The following NLRP1 variants were observed in gnomAD, a reference collection of about 807,000 sequenced individuals.
NLRP1 encodes NACHT, LRR and PYD domains-containing protein 1.
A neutral mutation model predicts 136.7 loss-of-function variants in NLRP1; 94 were observed. The observed-to-expected ratio is 0.69, with a 90% CI of 0.58 to 0.82. NLRP1 has a LOEUF of 0.82. Among genes scored for constraint, NLRP1 ranks in the 40% least tolerant of loss-of-function variants. NLRP1 has a pLI of 0.00. For missense variants in NLRP1, 1,575 were observed against 1,802.7 expected, an observed-to-expected ratio of 0.87 and a Z score of 2.29; for synonymous variants, 690 against 725.1, an observed-to-expected ratio of 0.95 and a Z score of 0.78.
In NLRP1 at chr17:5,547,620, G is replaced by A. The variant is rs115019185; in HGVS notation, c.2529-5593C>T. Among the ~76,000 whole-genome samples, 636 of 152,312 alleles carry A rather than the reference G, an allele frequency of 4.2e-3. 6 individuals carry two copies. The highest frequency in any genetic ancestry group is 0.014 in the African/African-American group (588 of 41,574). ...GTGAAATTTTATGCCAATGTAAAAA[G>A]AGTACATTGAAGATTGGTGTCTTCC... On this transcript the variant is annotated intron_variant, in intron 5 of 16. Coordinates refer to ENST00000572272, the MANE Select transcript of NLRP1 (RefSeq NM_033004.4).
At chr17:5,528,913 A>T (rs1040475924) in intron 12 of NLRP1, among the ~76,000 whole-genome samples, 9 of 152,240 alleles carry the variant, frequency 5.9e-5, no homozygotes, top group Non-Finnish European at 1.0e-4. Context: ...AGTGCTTATA[A>T]CTGATGTAAG....
intron 5 of NLRP1, among the ~76,000 whole-genome samples, chr17:5,545,417 CACAG>C (rs1449352790): frequency 4.7e-5 from 7 of 150,182 alleles, no homozygotes; most frequent in Admixed American, 4.6e-4. Context: ...CACACACATA[CACAG>C]ACATACACAG....
chr17:5,515,408 C>A (rs1175180273), intron 16 of NLRP1, 65 bp downstream of exon 16: 3 of 1,351,186 alleles, frequency 2.2e-6, no homozygotes, highest in South Asian at 1.2e-5. Context: ...CTTCCCTTCC[C>A]CCAGAACCAG....
At chr17:5,575,082 T>C (rs575584447) in intron 3 of NLRP1, among the ~76,000 whole-genome samples, 45 of 152,232 alleles carry the variant, frequency 3.0e-4, no homozygotes, top group African/African-American at 1.0e-3. Flanking sequence ...CTGAGAGATT[T>C]TGTCACCACC....
chr17:5,527,200 T>C (rs1909664721), intron 12 of NLRP1, among the ~76,000 whole-genome samples: 1 of 152,216 alleles, frequency 6.6e-6, no homozygotes, highest in Non-Finnish European at 1.5e-5. Flanking sequence ...AGAAGAAGAA[T>C]TGTCTTGGGC....
chr17:5,537,451 G>C lies in NLRP1; in HGVS notation c.2871-511C>G, dbSNP rs574955489. Among the ~76,000 whole-genome samples the C allele has an allele frequency of 6.6e-6, 1 of 152,284 alleles. No homozygotes were observed. The highest frequency in any genetic ancestry group is 2.1e-4 in the South Asian group (1 of 4,820). On this transcript the variant is annotated intron_variant, in intron 7 of 16. Transcript: ENST00000572272. This position sits in a 1 kb window ranked among gnomAD's most constrained non-coding sequence, Gnocchi z 4.5. ...GTGGTCGGAAGTTTTGCTGGGAAGA[G>C]AGAGTCCTGGTTCCATCCTCCCAGG...
chr17:5,563,779 G>A (rs1052489003), intron 3 of NLRP1, among the ~76,000 whole-genome samples: 4 of 152,194 alleles, frequency 2.6e-5, no homozygotes, highest in Admixed American at 6.5e-5. Context: ...AAGAATCCTT[G>A]TGAGATACTA....
intron 12 of NLRP1, among the ~76,000 whole-genome samples, chr17:5,526,057 C>T (rs1345389592): frequency 6.6e-6 from 1 of 151,992 alleles, no homozygotes; most frequent in Non-Finnish European, 1.5e-5. Context: ...TCACTGTAGC[C>T]TTGACCTTCC....
chr17:5,524,603 G>A (rs34171685), intron 12 of NLRP1, among the ~76,000 whole-genome samples: 8,950 of 152,262 alleles, frequency 0.059, 314 homozygotes, highest in Middle Eastern at 0.099. Flanking sequence ...TGCCATCACT[G>A]GCACTAAATG....
In NLRP1 at chr17:5,559,776, T is replaced by C; in HGVS notation, c.920A>G (p.Asn307Ser). Residue 307 changes from asparagine (N) to serine (S), a missense_variant, in exon 4 of 17, where the codon AAT becomes AGT. By Grantham distance (46) the Asn-to-Ser change is conservative. Transcript: ENST00000572272. ...TCTGATCTCAATTAAATGTCCTCGA[T>C]TCTCCTCCACATAATCAGGCCAGCT... is the stretch of plus-strand genomic sequence containing the variant. ...KRSWPDYVEE[N>S]RGHLIEIRDL... 6.2e-7 allele frequency: 1 copy of C among 1,614,282 alleles called. No homozygotes were observed. Among genetic ancestry groups the C allele is most frequent in the Non-Finnish European group, 8.5e-7 (1 of 1,180,056 alleles).
chr17:5,523,593 C>A (rs113695850), intron 12 of NLRP1, among the ~76,000 whole-genome samples: 1 of 152,152 alleles, frequency 6.6e-6, no homozygotes, highest in East Asian at 1.9e-4. Flanking sequence ...CTCTGACCAG[C>A]GCCAGGCAAG....
At chr17:5,570,847 C>G (rs115378301) in intron 3 of NLRP1, among the ~76,000 whole-genome samples, 2,700 of 152,102 alleles carry the variant, frequency 0.018, 72 homozygotes, top group African/African-American at 0.062. Context: ...ATGAACATAG[C>G]TGCAAAAATC....
At chr17:5,527,613 C>T (rs969929649) in intron 12 of NLRP1, among the ~76,000 whole-genome samples, 7 of 152,262 alleles carry the variant, frequency 4.6e-5, no homozygotes, top group South Asian at 2.1e-4. Flanking sequence ...CCTAATTTCC[C>T]GGTTCATTAT....
chr17:5,575,282 T>C lies in NLRP1; in HGVS notation c.652+6577A>G, dbSNP rs139553162. Among the ~76,000 whole-genome samples, 433 of 152,206 alleles carry C rather than the reference T, an allele frequency of 2.8e-3. 3 individuals carry two copies. Among genetic ancestry groups the C allele is most frequent in the East Asian group, 0.018 (93 of 5,180 alleles). On this transcript the variant is annotated intron_variant, in intron 3 of 16. Coordinates refer to ENST00000572272, the MANE Select transcript of NLRP1 (RefSeq NM_033004.4). The stretch of plus-strand genomic sequence containing the variant: ...AAATTCACACATAACAATATTAACC[T>C]TAAATGTAAATGGGCTAAATGCTCC...
chr17:5,514,719 C>T lies in NLRP1; in HGVS notation c.*35G>A. 2 of 1,605,708 alleles carry T rather than the reference C, an allele frequency of 1.2e-6. No individual in the cohort carries two copies. The highest frequency in any genetic ancestry group is 1.7e-6 in the Non-Finnish European group (2 of 1,173,460). ...AGACCCAAAGAAGGGTCAGCCAAAG[C>T]CAGGACTCAAGGGTCAAGGGCTGGT... On this transcript the variant is annotated 3_prime_UTR_variant, in exon 17 of 17. Coordinates refer to ENST00000572272, the MANE Select transcript of NLRP1 (RefSeq NM_033004.4).
In NLRP1 at chr17:5,535,849, A is replaced by G. The variant is rs376938859; in HGVS notation, c.2960+1002T>C. Among the ~76,000 whole-genome samples the G allele has an allele frequency of 7.9e-5, 12 of 152,348 alleles. No homozygotes were observed. In the East Asian group the frequency reaches 2.1e-3, roughly 27 times the overall value. ...ACTGGGAGAATGTGGGAGCTGCAGC[A>G]GATTCCTCGGGGAAGGGAAGATGGA... On this transcript the variant is annotated intron_variant, in intron 8 of 16. Coordinates refer to ENST00000572272, the MANE Select transcript of NLRP1 (RefSeq NM_033004.4).
intron 3 of NLRP1, among the ~76,000 whole-genome samples, chr17:5,568,125 C>T (rs952230632): frequency 9.2e-5 from 14 of 151,926 alleles, no homozygotes; most frequent in African/African-American, 3.4e-4. Context: ...TTCTCTTATC[C>T]CTTTGAATAA....
chr17:5,512,992 A>G (rs1907741648), downstream of NLRP1, among the ~76,000 whole-genome samples: 1 of 152,176 alleles, frequency 6.6e-6, no homozygotes, highest in African/African-American at 2.4e-5. Flanking sequence ...TAAAATTACT[A>G]CTAGCTTTCT....
At chr17:5,517,028 C>A (rs1024282312) in intron 15 of NLRP1, among the ~76,000 whole-genome samples, 1 of 152,142 alleles carries the variant, frequency 6.6e-6, no homozygotes, top group African/African-American at 2.4e-5. Flanking sequence ...AAATACTGAG[C>A]GATACAGGGG....
Sources: gnomAD v4.1 joint callset for allele counts (sites outside exome capture counted in the v4.1 genomes callset) on GRCh38, gnomAD v4.1.1 for gene constraint, Gnocchi (gnomAD v3.1) non-coding constraint, MANE v1.5 for transcripts, NCBI Gene and HGNC (gene_info 2026-07-23, HGNC 2026-07-21) for gene names.